OR51B5: variants seen among roughly 807,000 people sequenced by gnomAD.
The protein encoded by OR51B5 is olfactory receptor 51B5.
For missense variants in OR51B5, 456 were observed against 374.6 expected (o/e 1.22, Z -1.79); for synonymous variants, 186 against 144.8 (o/e 1.28, Z -2.04).
chr11:5,357,923 A>G (rs1417742062), intron 1 of OR51B5, among the ~76,000 whole-genome samples: 2 of 152,120 alleles, frequency 1.3e-5, no homozygotes, highest in Non-Finnish European at 2.9e-5. Flanking sequence ...GGCAGAAATA[A>G]AAATGTTCTT....
intron 1 of OR51B5, among the ~76,000 whole-genome samples, chr11:5,415,110 C>G (rs371441489): frequency 2.0e-4 from 31 of 152,096 alleles, no homozygotes; most frequent in South Asian, 1.7e-3. Flanking sequence ...TAGAACTCAG[C>G]ATTAAGAAAC....
intron 1 of OR51B5, among the ~76,000 whole-genome samples, chr11:5,470,623 G>A (rs754566918): frequency 5.3e-5 from 8 of 152,240 alleles, no homozygotes; most frequent in East Asian, 1.9e-4. Context: ...TGAACTTTAT[G>A]TCAATTATCA....
chr11:5,354,888 T>A (rs79334526), intron 1 of OR51B5: 155 of 177,042 alleles, frequency 8.8e-4, no homozygotes, highest in Admixed American at 5.4e-3. Context: ...TTAGAAGCAA[T>A]CAAAGGCATT....
chr11:5,505,335 G>A (rs1846356569), intron 1 of OR51B5: 1 of 1,303,778 alleles, frequency 7.7e-7, no homozygotes, highest in South Asian at 1.2e-5. Context: ...GTCAGAGGCA[G>A]ACCCAGAGAA....
chr11:5,359,945 A>G (rs1187210207), intron 1 of OR51B5, among the ~76,000 whole-genome samples: 1 of 152,248 alleles, frequency 6.6e-6, no homozygotes, highest in African/African-American at 2.4e-5. Context: ...AACCATACGC[A>G]GAAAGCTGAA....
intron 1 of OR51B5, among the ~76,000 whole-genome samples, chr11:5,463,499 T>C (rs1003134254): frequency 1.3e-5 from 2 of 152,228 alleles, no homozygotes; most frequent in African/African-American, 4.8e-5. Context: ...AAAGTGTTTC[T>C]CAACCTTCAT....
At chr11:5,379,478 T>TTAAA (rs1554885590) in intron 1 of OR51B5, among the ~76,000 whole-genome samples, 2 of 143,632 alleles carry the variant, frequency 1.4e-5, no homozygotes, top group Non-Finnish European at 3.0e-5. Context: ...ATAAATAAAA[T>TTAAA]AAATAAAAAA....
intron 1 of OR51B5, among the ~76,000 whole-genome samples, chr11:5,349,064 T>TAGAATAGACTTG (rs1849036082): frequency 6.6e-6 from 1 of 152,142 alleles, no homozygotes; most frequent in African/African-American, 2.4e-5. Flanking sequence ...CTTTGAGAAT[T>TAGAATAGACTTG]AGTTTCTCAT....
intron 1 of OR51B5, among the ~76,000 whole-genome samples, chr11:5,473,967 A>C (rs2133803065): frequency 6.6e-6 from 1 of 152,210 alleles, no homozygotes; most frequent in South Asian, 2.1e-4. Context: ...CTGCCTTCTT[A>C]GAATTCATCA....
chr11:5,377,918 A>C (rs1481755270), intron 1 of OR51B5, among the ~76,000 whole-genome samples: 3 of 152,216 alleles, frequency 2.0e-5, no homozygotes, highest in Admixed American at 6.5e-5. Flanking sequence ...TGCCATCCCC[A>C]TCAAGCTACC....
In OR51B5 at chr11:5,441,007, A is replaced by G. The variant is rs759627752; in HGVS notation, n.84+64562T>C. ...TGATGCAAAACATTGCCTTTGCAGA[A>G]GGGCAGTCGTTTCACCACAAAAGGG... On this transcript the variant is annotated intron_variant and non_coding_transcript_variant, in intron 1 of 4. Coordinates refer to the OR51B5 transcript ENST00000415970. The G allele has an allele frequency of 2.5e-6, 4 of 1,613,924 alleles. No individual in the cohort carries two copies. In the African/African-American group the frequency reaches 5.3e-5, roughly 22 times the overall value.
chr11:5,462,998 C>G (rs144442976), intron 1 of OR51B5, among the ~76,000 whole-genome samples: 145 of 152,286 alleles, frequency 9.5e-4, no homozygotes, highest in Middle Eastern at 3.4e-3. Context: ...GACTATTAAG[C>G]AAATAGTAAC....
At chr11:5,412,476 A>G (rs1280417487) in intron 1 of OR51B5, among the ~76,000 whole-genome samples, 1 of 152,210 alleles carries the variant, frequency 6.6e-6, no homozygotes, top group African/African-American at 2.4e-5. Context: ...CGCCAGCCGA[A>G]GCAGGGCGAG....
intron 1 of OR51B5, among the ~76,000 whole-genome samples, chr11:5,428,728 A>G (rs909675819): frequency 6.6e-6 from 1 of 152,244 alleles, no homozygotes; most frequent in Non-Finnish European, 1.5e-5. Flanking sequence ...TTCTGGGCAT[A>G]GGCCAAGCTA....
chr11:5,487,416 A>G (rs1400299419), intron 1 of OR51B5, among the ~76,000 whole-genome samples: 1 of 152,154 alleles, frequency 6.6e-6, no homozygotes, highest in Admixed American at 6.5e-5. Flanking sequence ...AAGCCACAAA[A>G]AGGCTTTGGA....
At chr11:5,379,665 A>T (rs1400890926) in intron 1 of OR51B5, among the ~76,000 whole-genome samples, 1 of 138,162 alleles carries the variant, frequency 7.2e-6, no homozygotes, top group African/African-American at 2.7e-5. Flanking sequence ...ACATTGCTCA[A>T]GGTTAGCTAA....
At chr11:5,418,302 G>A (rs543238892) in intron 1 of OR51B5, among the ~76,000 whole-genome samples, 26 of 152,164 alleles carry the variant, frequency 1.7e-4, no homozygotes, top group Middle Eastern at 3.4e-3. Flanking sequence ...TATACCTAAT[G>A]CTAGATGACG....
In OR51B5 at chr11:5,412,588, G is replaced by A. The variant is rs534238430; in HGVS notation, n.85-65678C>T. ...CTGGAAAATCGGGTCACTGCCACCC[G>A]AATACTGCGCTTTTCCAACGGGCTT... On this transcript the variant is annotated intron_variant and non_coding_transcript_variant, in intron 1 of 4. Coordinates refer to the OR51B5 transcript ENST00000415970. 1.1e-3 allele frequency among the ~76,000 whole-genome samples: 166 copies of A among 152,312 alleles called. 1 individual carries two copies. Among genetic ancestry groups the A allele is most frequent in the African/African-American group, 3.7e-3 (154 of 41,568 alleles).
At chr11:5,440,265 T>C (rs189107373) in intron 1 of OR51B5, among the ~76,000 whole-genome samples, 10 of 152,286 alleles carry the variant, frequency 6.6e-5, no homozygotes, top group Admixed American at 5.9e-4. Context: ...CCCGTATATG[T>C]CAAACAAGAA....
Sources: allele counts gnomAD v4.1 joint callset (sites outside exome capture counted in the v4.1 genomes callset), GRCh38; gene constraint gnomAD v4.1.1; transcripts MANE v1.5; gene names NCBI Gene and HGNC (gene_info 2026-07-23, HGNC 2026-07-21).